The following MKLN1 variants were observed in gnomAD, a reference collection of about 807,000 sequenced individuals.
The protein encoded by MKLN1 is muskelin.
A neutral mutation model predicts 99.0 loss-of-function variants in MKLN1; 18 were observed. The observed-to-expected ratio is 0.18, with a 90% CI of 0.13 to 0.27. The LOEUF is 0.27. Among genes scored for constraint, MKLN1 ranks in the 10% least tolerant of loss-of-function variants. MKLN1 has a pLI of 1.00. For missense variants in MKLN1, 621 were observed against 875.9 expected, an observed-to-expected ratio of 0.71 and a Z score of 3.67; for synonymous variants, 288 against 293.2, an observed-to-expected ratio of 0.98 and a Z score of 0.18.
At chr7:131,134,576 T>C (rs1795619089) in intron 1 of MKLN1, among the ~76,000 whole-genome samples, 1 of 152,184 alleles carries the variant, frequency 6.6e-6, no homozygotes, top group Non-Finnish European at 1.5e-5. Context: ...CTTGCTCTCC[T>C]TCCTGCCTTT....
intron 6 of MKLN1, among the ~76,000 whole-genome samples, chr7:131,401,161 A>C (rs1411096032): frequency 6.6e-6 from 1 of 152,180 alleles, no homozygotes; most frequent in Non-Finnish European, 1.5e-5. Context: ...TGGAGGATAC[A>C]AAAGCTACTT....
intron 1 of MKLN1, among the ~76,000 whole-genome samples, chr7:131,340,436 G>A (rs1441849517): frequency 5.3e-5 from 8 of 151,682 alleles, no homozygotes; most frequent in African/African-American, 2.4e-5. Flanking sequence ...GCACCACCAC[G>A]CCTGGCTAAT....
At chr7:131,461,615 G>A (rs1388249802) in intron 12 of MKLN1, among the ~76,000 whole-genome samples, 2 of 152,096 alleles carry the variant, frequency 1.3e-5, no homozygotes, top group African/African-American at 4.8e-5. Flanking sequence ...CACTAAAGTA[G>A]ATAAAGAAGA....
chr7:131,199,368 C>T (rs892005513), intron 2 of MKLN1, among the ~76,000 whole-genome samples: 1 of 151,800 alleles, frequency 6.6e-6, no homozygotes, highest in Non-Finnish European at 1.5e-5. Context: ...AGCAATCCTG[C>T]TTCCGAAGTA....
intron 15 of MKLN1, among the ~76,000 whole-genome samples, chr7:131,469,256 A>G (rs1176694125): frequency 6.6e-6 from 1 of 152,184 alleles, no homozygotes; most frequent in Non-Finnish European, 1.5e-5. Flanking sequence ...ACGGACAGAC[A>G]GAATCTGCCA....
chr7:131,221,160 GT>G (rs1458937005), intron 3 of MKLN1, among the ~76,000 whole-genome samples: 2 of 152,184 alleles, frequency 1.3e-5, no homozygotes, highest in Non-Finnish European at 2.9e-5. Flanking sequence ...CACAGTATGC[GT>G]GATGGACAGG....
At chr7:131,340,345 T>G (rs1344573499) in intron 1 of MKLN1, among the ~76,000 whole-genome samples, 1 of 147,134 alleles carries the variant, frequency 6.8e-6, no homozygotes, top group Non-Finnish European at 1.5e-5. Flanking sequence ...TGGTGCGATC[T>G]TGGCTTACTA....
intron 3 of MKLN1, among the ~76,000 whole-genome samples, chr7:131,279,235 T>C (rs1313586477): frequency 6.6e-6 from 1 of 152,130 alleles, no homozygotes; most frequent in Non-Finnish European, 1.5e-5. Flanking sequence ...AAAACTAAAA[T>C]AGGGTAATTG....
At chr7:131,156,063 T>C (rs1262831355) in intron 2 of MKLN1, among the ~76,000 whole-genome samples, 1 of 152,204 alleles carries the variant, frequency 6.6e-6, no homozygotes, top group African/African-American at 2.4e-5. Flanking sequence ...GGTTTTCCAA[T>C]ACTTAGCAGG....
chr7:131,338,422 A>G (rs572117505), intron 1 of MKLN1, among the ~76,000 whole-genome samples: 55 of 152,358 alleles, frequency 3.6e-4, no homozygotes, highest in African/African-American at 9.9e-4. Context: ...CATTAAAGAA[A>G]TAGGTGACAT....
At chr7:131,483,309 A>G (rs550511078) in intron 17 of MKLN1, among the ~76,000 whole-genome samples, 40 of 152,220 alleles carry the variant, frequency 2.6e-4, no homozygotes, top group African/African-American at 9.4e-4. Flanking sequence ...AACTTTCCTC[A>G]ATCTCTGTAT....
At chr7:131,334,480 A>G (rs1799193902) in intron 1 of MKLN1, among the ~76,000 whole-genome samples, 1 of 152,234 alleles carries the variant, frequency 6.6e-6, no homozygotes, top group African/African-American at 2.4e-5. Context: ...GCTGATTCCT[A>G]GAATTAGATA....
upstream of MKLN1, chr7:131,323,306 G>A (rs1342272482): frequency 6.6e-6 from 1 of 152,198 alleles, no homozygotes; most frequent in Non-Finnish European, 1.5e-5. Flanking sequence ...GGGTCTGGAG[G>A]TGAAAGGGAG....
rs187922539 is a variant in MKLN1, at chr7:131,206,515, T to C, written c.-179+3541T>C. ...AAACATATATGTTTATTTGTTAATA[T>C]ACCTGTATGTATGTGTATAATTATT... On this transcript the variant is annotated intron_variant, in intron 3 of 7. Transcript: ENST00000416992. Among the ~76,000 whole-genome samples, 140 of 146,100 alleles carry C rather than the reference T, an allele frequency of 9.6e-4. 1 individual carries two copies. The highest frequency in any genetic ancestry group is 3.3e-3 in the African/African-American group (132 of 39,776).
intron 3 of MKLN1, among the ~76,000 whole-genome samples, chr7:131,208,029 A>C (rs1209245410): frequency 1.3e-5 from 2 of 152,184 alleles, no homozygotes; most frequent in Non-Finnish European, 2.9e-5. Context: ...GATTTCCCAG[A>C]TGTTTCTTTT....
intron 3 of MKLN1, among the ~76,000 whole-genome samples, chr7:131,290,106 G>C (rs548514567): frequency 6.6e-6 from 1 of 152,206 alleles, no homozygotes; most frequent in Non-Finnish European, 1.5e-5. Flanking sequence ...AGGAGTTCAA[G>C]ACCAGCCTGA....
chr7:131,149,666 C>T (rs1038213194), intron 2 of MKLN1, among the ~76,000 whole-genome samples: 1 of 152,258 alleles, frequency 6.6e-6, no homozygotes, highest in African/African-American at 2.4e-5. Flanking sequence ...AACAGTTTTT[C>T]ATAAAGCTAT....
At chr7:131,382,810 G>A (rs181187415) in intron 2 of MKLN1, among the ~76,000 whole-genome samples, 6 of 151,850 alleles carry the variant, frequency 4.0e-5, no homozygotes, top group South Asian at 2.1e-4. Flanking sequence ...TGCAAGCTCC[G>A]CCCCATAGGT....
chr7:131,169,134 G>A (rs1242744661), intron 2 of MKLN1, among the ~76,000 whole-genome samples: 1 of 152,162 alleles, frequency 6.6e-6, no homozygotes, highest in Admixed American at 6.5e-5. Flanking sequence ...CAAAGTGCTG[G>A]GATTACAGGT....
Sources: allele counts gnomAD v4.1 joint callset (sites outside exome capture counted in the v4.1 genomes callset), GRCh38; gene constraint gnomAD v4.1.1; transcripts MANE v1.5; gene names NCBI Gene and HGNC (gene_info 2026-07-23, HGNC 2026-07-21).